The following KCNK13 variants were observed in gnomAD, a reference collection of about 807,000 sequenced individuals.
The protein encoded by KCNK13 is potassium two pore domain channel subfamily K member 13, also known as potassium channel subfamily K member 13.
Under a neutral mutation model 23.4 loss-of-function variants are expected in KCNK13, and 12 were observed. That is an observed-to-expected ratio of 0.51 (90% CI 0.33 to 0.83). The LOEUF is 0.83. KCNK13 is among the 40% of genes least tolerant of loss of function. KCNK13 has a pLI of 0.02. For synonymous variants in KCNK13, 231 were observed against 229.5 expected, an observed-to-expected ratio of 1.01 and a Z score of -0.06; for missense variants, 463 against 556.3, an observed-to-expected ratio of 0.83 and a Z score of 1.69.
chr14:90,168,515 A>G (rs9323849), intron 1 of KCNK13, among the ~76,000 whole-genome samples: 2,585 of 152,192 alleles, frequency 0.017, 72 homozygotes, highest in African/African-American at 0.06. Context: ...ACAAACCAAC[A>G]CTGTCTACCC....
chr14:90,172,310 C>G (rs941301735), intron 1 of KCNK13, among the ~76,000 whole-genome samples: 2 of 81,282 alleles, frequency 2.5e-5, no homozygotes, highest in African/African-American at 1.1e-4. Flanking sequence ...GAGCCAGAGT[C>G]TATATCAAAA....
At chr14:90,079,738 A>G (rs1024198030) in intron 1 of KCNK13, among the ~76,000 whole-genome samples, 3 of 152,226 alleles carry the variant, frequency 2.0e-5, no homozygotes, top group Admixed American at 2.0e-4. Context: ...TCTTTATTCC[A>G]GCTAGTAATG....
At chr14:90,177,299 C>T (rs543226100) in intron 1 of KCNK13, 1 of 152,276 alleles carries the variant, frequency 6.6e-6, no homozygotes, top group African/African-American at 2.4e-5. Context: ...ACTCCTTCCC[C>T]CATTCTCACT....
intron 1 of KCNK13, among the ~76,000 whole-genome samples, chr14:90,063,643 C>T (rs1385125904): frequency 6.6e-6 from 1 of 152,206 alleles, no homozygotes; most frequent in Non-Finnish European, 1.5e-5. Flanking sequence ...TCTGTAGCTA[C>T]TGCCCCTGTG....
intron 1 of KCNK13, among the ~76,000 whole-genome samples, chr14:90,162,933 A>C (rs978698930): frequency 2.6e-5 from 4 of 152,196 alleles, no homozygotes; most frequent in African/African-American, 9.6e-5. Context: ...AATAAGAAAA[A>C]CCATAAATAC....
At position 90,165,028 on chromosome 14, in the gene KCNK13, T is replaced by C. The variant is rs114835268; in HGVS notation, c.335-19083T>C. 5.8e-3 allele frequency among the ~76,000 whole-genome samples: 881 copies of C among 152,314 alleles called. 13 individuals carry two copies. Among genetic ancestry groups the C allele is most frequent in the African/African-American group, 0.02 (829 of 41,580 alleles). On this transcript the variant is annotated intron_variant, in intron 1 of 1. Transcript: ENST00000282146. Reference sequence around the variant, plus strand: ...GGCTGAGGAGGCCTCGCAGTCATGGTGGAAGGCAAAGGGGAAGCAAGACAT... The same window carrying C: ...GGCTGAGGAGGCCTCGCAGTCATGGCGGAAGGCAAAGGGGAAGCAAGACAT...
Position 90,184,071 on chromosome 14 carries a change from A to C in KCNK13, c.335-40A>C. 1 of 1,575,400 alleles carries C rather than the reference A, an allele frequency of 6.3e-7. No homozygotes were observed. Among genetic ancestry groups the C allele is most frequent in the Non-Finnish European group, 8.6e-7 (1 of 1,157,780 alleles). ...CAAGACCTAGACCCCATTCACAGCA[A>C]AGATTTCTCTTACTCTTCTCTCATT... On this transcript the variant is annotated intron_variant, in intron 1 of 1. Coordinates refer to ENST00000282146, the MANE Select transcript of KCNK13 (RefSeq NM_022054.4). This position sits in a 1 kb window ranked among gnomAD's most constrained non-coding sequence, Gnocchi z 5.6.
chr14:90,136,164 G>A (rs145265786), intron 1 of KCNK13, among the ~76,000 whole-genome samples: 177 of 152,136 alleles, frequency 1.2e-3, no homozygotes, highest in Non-Finnish European at 2.3e-3. Flanking sequence ...ACAAGCAGAA[G>A]GCTGAACGTC....
chr14:90,172,406 A>G (rs541738021), intron 1 of KCNK13, among the ~76,000 whole-genome samples: 1 of 152,132 alleles, frequency 6.6e-6, no homozygotes, highest in Non-Finnish European at 1.5e-5. Context: ...GGTGTACAGG[A>G]GTTCCTCGAG....
At chr14:90,081,259 G>T (rs1352624669) in intron 1 of KCNK13, among the ~76,000 whole-genome samples, 1 of 152,216 alleles carries the variant, frequency 6.6e-6, no homozygotes, top group Non-Finnish European at 1.5e-5. Context: ...ATTATTAACT[G>T]CAAGGTGGGT....
At chr14:90,181,259 A>G (rs1417862733) in intron 1 of KCNK13, among the ~76,000 whole-genome samples, 2 of 152,192 alleles carry the variant, frequency 1.3e-5, no homozygotes, top group Admixed American at 6.5e-5. Context: ...ATGGGCTGCT[A>G]TAAGAAAATA....
intron 1 of KCNK13, among the ~76,000 whole-genome samples, chr14:90,148,348 C>T (rs1222821806): frequency 6.6e-6 from 1 of 152,218 alleles, no homozygotes; most frequent in African/African-American, 2.4e-5. Context: ...CCATGTTATA[C>T]ATGCCACGAT....
Position 90,121,360 on chromosome 14 carries a change from G to A in KCNK13, c.334+58821G>A, listed in dbSNP as rs141986156. Among the ~76,000 whole-genome samples, 358 of 152,306 alleles carry A rather than the reference G, an allele frequency of 2.4e-3. 2 individuals carry two copies. The highest frequency in any genetic ancestry group is 8.2e-3 in the African/African-American group (339 of 41,570). On this transcript the variant is annotated intron_variant, in intron 1 of 1. Coordinates refer to ENST00000282146, the MANE Select transcript of KCNK13 (RefSeq NM_022054.4). ...TGTCCTTTGCCTCCCTGTAAGCACC[G>A]TGGCTTCCTTAGGATGTGTTTTACA...
intron 1 of KCNK13, among the ~76,000 whole-genome samples, chr14:90,131,807 A>G (rs568663416): frequency 2.8e-4 from 43 of 152,362 alleles, no homozygotes; most frequent in African/African-American, 1.0e-3. Context: ...GAGACAGAGA[A>G]ATTGGAACCC....
intron 1 of KCNK13, among the ~76,000 whole-genome samples, chr14:90,143,214 T>G (rs970950457): frequency 6.9e-6 from 1 of 144,312 alleles, no homozygotes; most frequent in Non-Finnish European, 1.5e-5. Context: ...TTTCTTTTCT[T>G]TTTTTTTTTT....
chr14:90,099,350 C>G (rs1889448543), intron 1 of KCNK13, among the ~76,000 whole-genome samples: 1 of 152,092 alleles, frequency 6.6e-6, no homozygotes, highest in East Asian at 1.9e-4. Flanking sequence ...AACTCTTCAC[C>G]TTTATTCAAG....
chr14:90,174,878 T>TAATA (rs1566652435), intron 1 of KCNK13, among the ~76,000 whole-genome samples: 3 of 151,546 alleles, frequency 2.0e-5, no homozygotes, highest in African/African-American at 7.3e-5. Context: ...AATAAATAAA[T>TAATA]AATAAATAAA....
chr14:90,098,178 A>G (rs1566951011), intron 1 of KCNK13, among the ~76,000 whole-genome samples: 1 of 152,210 alleles, frequency 6.6e-6, no homozygotes, highest in African/African-American at 2.4e-5. Context: ...GGATGTTCCC[A>G]AGTACCACGG....
intron 1 of KCNK13, among the ~76,000 whole-genome samples, chr14:90,118,578 ATTTG>A (rs1231579710): frequency 1.3e-5 from 2 of 152,096 alleles, no homozygotes; most frequent in Non-Finnish European, 2.9e-5. Flanking sequence ...GTGTACATGT[ATTTG>A]TTTGAGTACT....
Sources: gnomAD v4.1 joint callset for allele counts (sites outside exome capture counted in the v4.1 genomes callset) on GRCh38, gnomAD v4.1.1 for gene constraint, Gnocchi (gnomAD v3.1) non-coding constraint, MANE v1.5 for transcripts, NCBI Gene and HGNC (gene_info 2026-07-23, HGNC 2026-07-21) for gene names.